Variants in BLZF1 observed in about 807,000 individuals in gnomAD.
The protein encoded by BLZF1 is basic leucine zipper nuclear factor 1, also known as golgin-45.
A neutral mutation model predicts 43.8 loss-of-function variants in BLZF1; 39 were observed. The observed-to-expected ratio is 0.89, with a 90% CI of 0.69 to 1.16. BLZF1 has a LOEUF of 1.16. BLZF1 is among the 50% of genes most tolerant of loss of function. BLZF1 has a pLI of 0.00. For synonymous variants in BLZF1, 136 were observed against 159.4 expected (o/e 0.85, Z 1.11); for missense variants, 449 against 469.8 (o/e 0.96, Z 0.41).
At position 169,376,751 on chromosome 1, in the gene BLZF1, A is replaced by G. The variant is rs1654358100; in HGVS notation, c.240A>G (p.Arg80=). Residue 80 remains arginine (R), a synonymous_variant, in exon 3 of 7, where the codon AGA becomes AGG. Coordinates refer to ENST00000367808, the MANE Select transcript of BLZF1 (RefSeq NM_001320973.2). The stretch of plus-strand genomic sequence containing the variant: ...AAGCAATGGAAGTTAAAGCTGTAAG[A>G]ATATTAGTTCCCAAAGCTGCTATAA... The part of the protein sequence containing the change: ...TEKAMEVKAV[R]ILVPKAAITH... 3 of 1,613,412 alleles carry G rather than the reference A, an allele frequency of 1.9e-6. No homozygotes were observed. The highest frequency in any genetic ancestry group is 2.5e-6 in the Non-Finnish European group (3 of 1,179,604).
chr1:169,394,009 A>T (rs1021998604), intron 7 of BLZF1, among the ~76,000 whole-genome samples: 1 of 152,210 alleles, frequency 6.6e-6, no homozygotes, highest in Admixed American at 6.5e-5. Flanking sequence ...TCTTACATGT[A>T]TCAGAAGTAC....
At chr1:169,372,669 T>G (rs1163436393) in intron 2 of BLZF1, among the ~76,000 whole-genome samples, 2 of 152,178 alleles carry the variant, frequency 1.3e-5, no homozygotes, top group African/African-American at 4.8e-5. Flanking sequence ...CAGTAGGGAC[T>G]TAAGTTATTT....
At chr1:169,393,522 G>A (rs1571449556) in intron 7 of BLZF1, among the ~76,000 whole-genome samples, 1 of 151,582 alleles carries the variant, frequency 6.6e-6, no homozygotes, top group African/African-American at 2.4e-5. Flanking sequence ...CCCGGGAGGT[G>A]GAGGTTGCAG....
intron 2 of BLZF1, among the ~76,000 whole-genome samples, chr1:169,373,747 C>T (rs749194554): frequency 9.2e-5 from 14 of 152,064 alleles, no homozygotes; most frequent in Non-Finnish European, 2.1e-4. Context: ...CTGTTAAATA[C>T]CTATTAATGG....
downstream of BLZF1, among the ~76,000 whole-genome samples, chr1:169,390,437 A>G (rs1474009980): frequency 1.3e-5 from 2 of 152,180 alleles, no homozygotes; most frequent in Non-Finnish European, 2.9e-5. Flanking sequence ...ATCTGTAGCC[A>G]TACTGACTAA....
chr1:169,395,239 T>A (rs770133204), intron 7 of BLZF1: 1 of 1,579,196 alleles, frequency 6.3e-7, no homozygotes, highest in Non-Finnish European at 8.6e-7. Context: ...ATTTGGTGAG[T>A]ATCAACCTGA....
intron 2 of BLZF1, among the ~76,000 whole-genome samples, chr1:169,372,288 T>C (rs1654149199): frequency 2.0e-5 from 3 of 152,178 alleles, no homozygotes; most frequent in Non-Finnish European, 4.4e-5. Flanking sequence ...TTTGTATATG[T>C]TCTGGAAAGT....
chr1:169,368,582 T>A (rs2102000835), intron 1 of BLZF1, among the ~76,000 whole-genome samples: 1 of 152,112 alleles, frequency 6.6e-6, no homozygotes, highest in South Asian at 2.1e-4. Context: ...CCCCCTCCGC[T>A]TCATTTGGCA....
At chr1:169,369,436 A>G (rs1654029572) in intron 1 of BLZF1, 37 bp from the exon 2 acceptor site, 1 of 1,139,078 alleles carries the variant, frequency 8.8e-7, no homozygotes, top group East Asian at 2.5e-5. Context: ...TGTTTATATG[A>G]TATTTTTAAA....
intron 6 of BLZF1, among the ~76,000 whole-genome samples, 191 bp downstream of exon 6, chr1:169,382,472 T>C (rs1403071961): frequency 6.6e-6 from 1 of 152,182 alleles, no homozygotes; most frequent in Non-Finnish European, 1.5e-5. Flanking sequence ...ACACTACTGT[T>C]CTATTTTTAA....
At chr1:169,390,909 A>G (rs1654799928), downstream of BLZF1, among the ~76,000 whole-genome samples, 2 of 152,246 alleles carry the variant, frequency 1.3e-5, no homozygotes, top group African/African-American at 4.8e-5. Flanking sequence ...ACACATGCAC[A>G]CATACATTTA....
chr1:169,384,538 C>A (rs1557850654), intron 6 of BLZF1, among the ~76,000 whole-genome samples: 2 of 152,188 alleles, frequency 1.3e-5, no homozygotes, highest in Non-Finnish European at 2.9e-5. Context: ...TCTTCCATCT[C>A]CCCTTCTCAA....
At chr1:169,395,115 T>C in intron 7 of BLZF1, 5 of 1,613,870 alleles carry the variant, frequency 3.1e-6, no homozygotes, top group Non-Finnish European at 4.2e-6. Context: ...TGTAACTGTT[T>C]AGAACGCTTA....
At chr1:169,372,691 C>G (rs1244432719) in intron 2 of BLZF1, among the ~76,000 whole-genome samples, 1 of 152,112 alleles carries the variant, frequency 6.6e-6, no homozygotes, top group East Asian at 1.9e-4. Context: ...AACTCAGGCT[C>G]TAGTGAGTTA....
Position 169,378,373 on chromosome 1 carries a change from A to G in BLZF1, c.512A>G (p.Asp171Gly). 2 of 1,612,836 alleles carry G rather than the reference A, an allele frequency of 1.2e-6. No individual in the cohort carries two copies. Among genetic ancestry groups the G allele is most frequent in the Non-Finnish European group, 1.7e-6 (2 of 1,179,090 alleles). ...LKKLLVASVG[D>G]DLQYHFERLA... ...AAGTTACTGGTGGCTTCTGTTGGGGATGATCTTCAGTATCACTTTGAACGT... is the reference window on the plus strand; with the variant it reads ...AAGTTACTGGTGGCTTCTGTTGGGGGTGATCTTCAGTATCACTTTGAACGT... The change falls in exon 4 of 7, where the codon GAT (aspartate) becomes GGT (glycine). Residue 171 changes from aspartate to glycine, a missense_variant. Physicochemically the swap from Asp to Gly is moderately conservative, Grantham distance 94. Coordinates refer to ENST00000367808, the MANE Select transcript of BLZF1 (RefSeq NM_001320973.2).
chr1:169,383,450 T>C (rs1329812212), intron 6 of BLZF1, among the ~76,000 whole-genome samples: 4 of 152,226 alleles, frequency 2.6e-5, no homozygotes, highest in Non-Finnish European at 5.9e-5. Context: ...GTAAGATGTC[T>C]GGATATGGCT....
chr1:169,380,604 C>G lies in BLZF1; in HGVS notation c.792C>G (p.Thr264=), dbSNP rs1654493487. The stretch of plus-strand genomic sequence containing the variant: ...AGTTTCGTCAAGAAATGATAGCTAC[C>G]CAGAAGTATGGCACTTGTTTACATT... The part of the protein sequence containing the change: ...REQFRQEMIA[T]QKLLEELLVS... The change falls in exon 5 of 7, where the codon ACC becomes ACG. Residue 264 remains threonine, a synonymous_variant. Coordinates refer to ENST00000367808, the MANE Select transcript of BLZF1 (RefSeq NM_001320973.2). 1 of 1,612,292 alleles carries G rather than the reference C, an allele frequency of 6.2e-7. No homozygotes were observed. The highest frequency in any genetic ancestry group is 2.2e-5 in the East Asian group (1 of 44,844).
intron 3 of BLZF1, 178 bp downstream of exon 3, chr1:169,377,157 A>G (rs1175143567): frequency 9.6e-6 from 6 of 626,000 alleles, no homozygotes; most frequent in Non-Finnish European, 1.7e-5. Flanking sequence ...GATACTTTAT[A>G]TTGGGAACTT....
At chr1:169,386,958 A>G in intron 6 of BLZF1, 39 bp from the exon 7 acceptor site, 1 of 1,449,982 alleles carries the variant, frequency 6.9e-7, no homozygotes, top group Non-Finnish European at 9.5e-7. Context: ...TTTACCATCT[A>G]TATTGCATAC....
Sources: allele counts gnomAD v4.1 joint callset (sites outside exome capture counted in the v4.1 genomes callset), GRCh38; gene constraint gnomAD v4.1.1; transcripts MANE v1.5; gene names NCBI Gene and HGNC (gene_info 2026-07-23, HGNC 2026-07-21).